Variants in WDR11 observed in about 807,000 individuals in gnomAD.
The protein encoded by WDR11 is WD repeat domain 11.
A neutral mutation model predicts 151.2 loss-of-function variants in WDR11; 83 were observed. The ratio of observed to expected loss-of-function variants is 0.55; its 90% CI spans 0.46 to 0.66. The LOEUF is 0.66. Ranked by LOEUF, WDR11 falls within the 30% of genes least tolerant of loss-of-function variation. The probability of loss-of-function intolerance (pLI) is 0.00; values close to 1 mark genes in which losing one functional copy is unlikely to be tolerated. For synonymous variants in WDR11, 484 were observed against 533.1 expected, an observed-to-expected ratio of 0.91 and a Z score of 1.27; for missense variants, 1,301 against 1,480.9, an observed-to-expected ratio of 0.88 and a Z score of 1.99.
rs761599645 is a variant in WDR11, at chr10:120,878,406, C to T, written c.1610C>T (p.Pro537Leu). Residue 537 changes from proline (P) to leucine (L), a missense_variant, in exon 12 of 29, where the codon CCA becomes CTA. This residue lies in a region of WDR11 where 692 missense variants were observed against 762.5 expected (regional missense o/e 0.91). Coordinates refer to ENST00000263461, the MANE Select transcript of WDR11 (RefSeq NM_018117.12). ...TSFLSFATSTPNNMGLVRNEL... is the reference protein window; with the variant it reads ...TSFLSFATSTLNNMGLVRNEL... ...TTTCTTTCTTTTGCTACCTCAACAC[C>T]AAACAATATGGGATTAGTGAGAAAT... is the stretch of plus-strand genomic sequence containing the variant. 15 of 1,613,068 alleles carry T rather than the reference C, an allele frequency of 9.3e-6. No individual in the cohort carries two copies. Among genetic ancestry groups the T allele is most frequent in the Non-Finnish European group, 1.2e-5 (14 of 1,179,550 alleles).
chr10:120,883,261 A>G (rs1191363445), intron 13 of WDR11, among the ~76,000 whole-genome samples: 2 of 152,058 alleles, frequency 1.3e-5, no homozygotes, highest in Non-Finnish European at 2.9e-5. Context: ...GTTCCTCATA[A>G]TGCTTATTGA....
intron 23 of WDR11, 75 bp from the exon 24 acceptor site, chr10:120,903,972 T>C (rs1847937007): frequency 2.0e-6 from 2 of 987,470 alleles, no homozygotes; most frequent in Non-Finnish European, 3.1e-6. Flanking sequence ...AATGATCTTA[T>C]TAAGTACAGT....
intron 2 of WDR11, among the ~76,000 whole-genome samples, chr10:120,857,006 CAT>C (rs1288359570): frequency 6.6e-6 from 1 of 152,068 alleles, no homozygotes; most frequent in Non-Finnish European, 1.5e-5. Flanking sequence ...CGTTTAAAGA[CAT>C]ATTAATATGT....
intron 19 of WDR11, among the ~76,000 whole-genome samples, chr10:120,892,404 A>G (rs1454873617): frequency 6.6e-6 from 1 of 152,216 alleles, no homozygotes; most frequent in Non-Finnish European, 1.5e-5. Context: ...TCATTCCACA[A>G]ATTGAACTTC....
rs185189259 is a variant in WDR11, at chr10:120,883,728, A to T, written c.1740-52A>T. The T allele has an allele frequency of 4.9e-4, 740 of 1,497,382 alleles. 2 individuals carry two copies. In the African/African-American group the frequency reaches 8.9e-3, roughly 18 times the overall value. The allele number at this position is 1,497,382 out of a possible 1,614,324, so 92.8% of individuals were successfully genotyped here. On this transcript the variant is annotated intron_variant, in intron 13 of 28. Coordinates refer to ENST00000263461, the MANE Select transcript of WDR11 (RefSeq NM_018117.12). ...CTGAACTTTTTATTTGCTCTAATTC[A>T]TGGTGAAATTTTTGCAAAAAGGGGC...
chr10:120,893,334 T>A (rs992236090), intron 19 of WDR11, among the ~76,000 whole-genome samples: 1 of 152,112 alleles, frequency 6.6e-6, no homozygotes, highest in African/African-American at 2.4e-5. Flanking sequence ...TCCCTACAAA[T>A]GACATGAACT....
In WDR11 at chr10:120,874,208, G is replaced by T. The variant is rs867012982; in HGVS notation, c.1556+285G>T. ...TTTTTTTTTTGTTGTTGTTGTTGTT[G>T]TTTGTTTTGTTTTGTTTTGTTTTTT... is the stretch of plus-strand genomic sequence containing the variant. On this transcript the variant is annotated intron_variant, in intron 11 of 28. Transcript: ENST00000263461. 0.21 allele frequency among the ~76,000 whole-genome samples: 17,964 copies of T among 87,328 alleles called. 1,948 individuals are homozygous for T. Among genetic ancestry groups the T allele is most frequent in the East Asian group, 0.27 (839 of 3,068 alleles). The allele number at this position is 87,328 out of a possible 152,430, so 57.3% of individuals were successfully genotyped here.
At chr10:120,866,931 T>C (rs1236789139) in intron 8 of WDR11, 135 bp from the exon 9 acceptor site, 1 of 1,043,108 alleles carries the variant, frequency 9.6e-7, no homozygotes, top group East Asian at 2.6e-5. Context: ...GCTAGAGCTA[T>C]TTCACCTATG....
At chr10:120,900,952 T>C (rs1269736743) in intron 20 of WDR11, 84 bp from the exon 21 acceptor site, 24 of 1,009,324 alleles carry the variant, frequency 2.4e-5, no homozygotes, top group Admixed American at 3.5e-5. Context: ...GTTATCTCTA[T>C]ATTAACACAA....
At chr10:120,879,837 C>T (rs948143888) in intron 12 of WDR11, 18 of 152,156 alleles carry the variant, frequency 1.2e-4, no homozygotes, top group Non-Finnish European at 2.2e-4. Flanking sequence ...AGTATGTTCT[C>T]TCTTTTGTTT....
At chr10:120,856,730 A>T (rs1845960691) in intron 2 of WDR11, among the ~76,000 whole-genome samples, 1 of 151,298 alleles carries the variant, frequency 6.6e-6, no homozygotes, top group East Asian at 1.9e-4. Context: ...TGATTATTAA[A>T]ATATATATAT....
At position 120,908,540 on chromosome 10, in the gene WDR11, C is replaced by G; in HGVS notation, c.3518-16C>G. On this transcript the variant is annotated splice_polypyrimidine_tract_variant and intron_variant, in intron 28 of 28. Transcript: ENST00000263461. The stretch of plus-strand genomic sequence containing the variant: ...CACAGCCCTTTTTACTCTTCTTTTC[C>G]TTAACTATGGTTTACAGAAACTCAT... The G allele has an allele frequency of 6.2e-7, 1 of 1,614,058 alleles. No individual in the cohort carries two copies. The highest frequency in any genetic ancestry group is 2.2e-5 in the East Asian group (1 of 44,888).
At chr10:120,901,505 G>A (rs915214053) in intron 21 of WDR11, among the ~76,000 whole-genome samples, 1 of 152,226 alleles carries the variant, frequency 6.6e-6, no homozygotes, top group African/African-American at 2.4e-5. Flanking sequence ...AGGTGCTGGT[G>A]TGCACAGGTC....
chr10:120,868,406 G>A (rs577393262), intron 9 of WDR11, among the ~76,000 whole-genome samples: 8 of 152,034 alleles, frequency 5.3e-5, no homozygotes, highest in Admixed American at 1.3e-4. Flanking sequence ...GCAGTGAGCC[G>A]AGATTGCACC....
At chr10:120,878,630 T>C (rs1665004111) in intron 12 of WDR11, among the ~76,000 whole-genome samples, 171 bp downstream of exon 12, 1 of 152,194 alleles carries the variant, frequency 6.6e-6, no homozygotes, top group Admixed American at 6.5e-5. Context: ...CATCATTGTT[T>C]ACATGGAAAT....
rs1848054505 is a variant in WDR11 at position 120,906,553 on chromosome 10, T to TG, written c.3438-223_3438-222insG. ...GTAGATTTTTGTGTATTTAAACTAT[T>TG]TCACAATTTTTTAAAGTATTAATTT... is the stretch of plus-strand genomic sequence containing the variant. On this transcript the variant is annotated intron_variant, in intron 27 of 28. Transcript: ENST00000263461. 3 of 1,402,692 alleles carry TG rather than the reference T, an allele frequency of 2.1e-6. No homozygotes were observed. In the Admixed American group the frequency reaches 8.6e-5, roughly 40 times the overall value. The allele number at this position is 1,402,692 out of a possible 1,614,324, so 86.9% of individuals were successfully genotyped here.
At chr10:120,872,753 AT>A (rs1794603568) in intron 10 of WDR11, among the ~76,000 whole-genome samples, 1 of 152,112 alleles carries the variant, frequency 6.6e-6, no homozygotes, top group South Asian at 2.1e-4. Context: ...AATTTTAGTA[AT>A]TTAGTTATTT....
At chr10:120,905,816 A>ATTAT in intron 26 of WDR11, 60 bp from the exon 27 acceptor site, 1 of 1,613,878 alleles carries the variant, frequency 6.2e-7, no homozygotes, top group Non-Finnish European at 8.5e-7. Context: ...TAACTGAATT[A>ATTAT]TTATTTTTTC....
chr10:120,874,222 G>GTTTTTTTTTTTT (rs150658583), intron 11 of WDR11, among the ~76,000 whole-genome samples: 1 of 100,604 alleles, frequency 9.9e-6, no homozygotes, highest in African/African-American at 3.8e-5. Flanking sequence ...GTTTTGTTTT[G>GTTTTTTTTTTTT]TTTTGTTTTT....
Sources: gnomAD v4.1 joint callset for allele counts (sites outside exome capture counted in the v4.1 genomes callset) on GRCh38, gnomAD v4.1.1 for gene constraint, gnomAD v4.1.1 regional missense constraint, MANE v1.5 for transcripts, NCBI Gene and HGNC (gene_info 2026-07-23, HGNC 2026-07-21) for gene names.